Variants in GLRA2 observed in about 807,000 individuals in gnomAD.
GLRA2 encodes the protein glycine receptor alpha 2, also known as glycine receptor subunit alpha-2.
Under a neutral mutation model 31.6 loss-of-function variants are expected in GLRA2, and 11 were observed. The observed-to-expected ratio is 0.35, with a 90% CI of 0.22 to 0.58. GLRA2 has a LOEUF of 0.58. Among genes scored for constraint, GLRA2 ranks in the 20% least tolerant of loss-of-function variants. The pLI is 0.84. For synonymous variants in GLRA2, 132 were observed against 134.0 expected, an observed-to-expected ratio of 0.99 and a Z score of 0.10; for missense variants, 212 against 351.8, an observed-to-expected ratio of 0.60 and a Z score of 3.18.
the GLRA2 span, among the ~76,000 whole-genome samples, chrX:14,466,947 T>G: frequency 8.9e-6 from 1 of 111,818 alleles, no homozygotes; most frequent in African/African-American, 3.3e-5. Flanking sequence ...ATGAAAGGGT[T>G]GCATTTATTC....
chrX:14,469,006 G>A, the GLRA2 span, among the ~76,000 whole-genome samples: 1 of 110,272 alleles, frequency 9.1e-6, no homozygotes, highest in East Asian at 2.8e-4. Flanking sequence ...ACTTTTTGAT[G>A]GGGTTGTTTG....
At chrX:14,558,100 T>A (rs904287395) in intron 2 of GLRA2, among the ~76,000 whole-genome samples, 2 of 112,001 alleles carry the variant, frequency 1.8e-5, no homozygotes, top group Non-Finnish European at 3.8e-5. Flanking sequence ...AAGATTGGCA[T>A]AGAGGATATT....
the GLRA2 span, among the ~76,000 whole-genome samples, chrX:14,452,901 A>G: frequency 8.9e-6 from 1 of 112,046 alleles, no homozygotes; most frequent in Non-Finnish European, 1.9e-5. Context: ...CTCATCTCAC[A>G]GATATTCTGA....
intron 4 of GLRA2, among the ~76,000 whole-genome samples, chrX:14,594,072 C>G (rs2090174018): frequency 8.9e-6 from 1 of 112,207 alleles, no homozygotes; most frequent in Admixed American, 9.5e-5. Flanking sequence ...TCTCTCCAAA[C>G]TTTGCCACCA....
chrX:14,679,498 T>C (rs2091177764), intron 7 of GLRA2, among the ~76,000 whole-genome samples: 1 of 111,085 alleles, frequency 9.0e-6, no homozygotes, highest in Non-Finnish European at 1.9e-5. Flanking sequence ...TTAGCTTATC[T>C]TTACAAATTT....
At chrX:14,539,040 G>A (rs2089364995) in intron 2 of GLRA2, among the ~76,000 whole-genome samples, 1 of 111,019 alleles carries the variant, frequency 9.0e-6, no homozygotes, top group Admixed American at 9.6e-5. Context: ...GACCTTGCTG[G>A]TCCTCCACAT....
Position 14,694,051 on chromosome X carries a change from TAGA to T in GLRA2, c.1080+3195_1080+3197del, listed in dbSNP as rs769930876. Among the ~76,000 whole-genome samples the T allele has an allele frequency of 8.0e-4, 89 of 110,899 alleles. 2 individuals carry two copies. Among genetic ancestry groups the T allele is most frequent in the Non-Finnish European group, 1.7e-4 (9 of 52,732 alleles). ...AATAAGATATTAAATCCAAAGAGTG[TAGA>T]AGGAGTGAAAAACTATGAAAAAAAA... On this transcript the variant is annotated intron_variant, in intron 8 of 8. Coordinates refer to ENST00000218075, the MANE Select transcript of GLRA2 (RefSeq NM_002063.4).
chrX:14,517,224 A>G, the GLRA2 span, among the ~76,000 whole-genome samples: 1 of 112,324 alleles, frequency 8.9e-6, no homozygotes. Context: ...ATGCACATCA[A>G]TTAACAACTA....
the GLRA2 span, among the ~76,000 whole-genome samples, chrX:14,488,496 G>T: frequency 2.7e-5 from 3 of 111,905 alleles, no homozygotes; most frequent in African/African-American, 9.7e-5. Flanking sequence ...AAATACTAGA[G>T]ATGGTACAGC....
chrX:14,623,286 C>A (rs776285041), intron 7 of GLRA2, among the ~76,000 whole-genome samples: 34 of 111,608 alleles, frequency 3.0e-4, no homozygotes, highest in African/African-American at 8.5e-4. Context: ...ACAATCATGT[C>A]ATCTGCAAAC....
the GLRA2 span, among the ~76,000 whole-genome samples, chrX:14,480,576 T>C: frequency 1.8e-5 from 2 of 111,847 alleles, no homozygotes; most frequent in Non-Finnish European, 1.9e-5. Flanking sequence ...CTTCTGCATA[T>C]AGCGAGCCAG....
intron 8 of GLRA2, among the ~76,000 whole-genome samples, chrX:14,725,382 G>C (rs1162543069): frequency 9.0e-6 from 1 of 110,671 alleles, no homozygotes; most frequent in Non-Finnish European, 1.9e-5. Flanking sequence ...CACTGTATTT[G>C]GACACATATT....
chrX:14,656,173 T>C (rs1231976761), intron 7 of GLRA2, among the ~76,000 whole-genome samples: 1 of 112,038 alleles, frequency 8.9e-6, no homozygotes, highest in African/African-American at 3.2e-5. Flanking sequence ...GGAGAACTTC[T>C]AAAAAAATAT....
chrX:14,594,296 A>G (rs2090177232), intron 4 of GLRA2, among the ~76,000 whole-genome samples: 1 of 111,416 alleles, frequency 9.0e-6, no homozygotes, highest in Middle Eastern at 4.6e-3. Context: ...AACATTTTAA[A>G]AATTGCTACA....
intron 2 of GLRA2, among the ~76,000 whole-genome samples, chrX:14,560,154 T>C (rs1283839443): frequency 3.6e-5 from 4 of 112,621 alleles, no homozygotes; most frequent in African/African-American, 1.3e-4. Context: ...AAAATCTTTT[T>C]ATTCTAAAGG....
chrX:14,509,758 T>C, the GLRA2 span, among the ~76,000 whole-genome samples: 1 of 112,567 alleles, frequency 8.9e-6, no homozygotes, highest in Non-Finnish European at 1.9e-5. Flanking sequence ...CTGGATTAGA[T>C]GCTATGAGAA....
intron 7 of GLRA2, among the ~76,000 whole-genome samples, chrX:14,634,910 C>T (rs538364091): frequency 8.9e-6 from 1 of 112,180 alleles, no homozygotes; most frequent in South Asian, 3.7e-4. Flanking sequence ...TTGCAATTCT[C>T]CACAATCTGT....
chrX:14,707,298 T>C (rs1478545298), intron 8 of GLRA2, among the ~76,000 whole-genome samples: 1 of 111,603 alleles, frequency 9.0e-6, no homozygotes, highest in Non-Finnish European at 1.9e-5. Flanking sequence ...ATTAGAGTCA[T>C]GGCCTAACCA....
intron 7 of GLRA2, among the ~76,000 whole-genome samples, chrX:14,619,105 A>G (rs2090486285): frequency 1.8e-5 from 2 of 111,183 alleles, no homozygotes; most frequent in Non-Finnish European, 3.8e-5. Flanking sequence ...AACTAGCAGG[A>G]TTATGCACAG....
Sources: gnomAD v4.1 joint callset for allele counts (sites outside exome capture counted in the v4.1 genomes callset) on GRCh38, gnomAD v4.1.1 for gene constraint, MANE v1.5 for transcripts, NCBI Gene and HGNC (gene_info 2026-07-23, HGNC 2026-07-21) for gene names.